The following CASZ1 variants were observed in gnomAD, a reference collection of about 807,000 sequenced individuals.
CASZ1 encodes the protein zinc finger protein castor homolog 1.
Under a neutral mutation model 135.2 loss-of-function variants are expected in CASZ1, and 28 were observed. The observed-to-expected ratio is 0.21, with a 90% confidence interval of 0.15 to 0.28. The LOEUF is 0.28. CASZ1 is among the 10% of genes least tolerant of loss of function. The pLI is 1.00. For synonymous variants in CASZ1, 1,068 were observed against 1,073.4 expected (o/e 0.99, Z 0.10); for missense variants, 2,161 against 2,453.3 (o/e 0.88, Z 2.52).
At chr1:10,675,677 T>C (rs60838458) in intron 4 of CASZ1, among the ~76,000 whole-genome samples, 15,586 of 152,072 alleles carry the variant, frequency 0.1, 911 homozygotes, top group East Asian at 0.2. Flanking sequence ...CCTCTCCCAG[T>C]TGGGCAGGTA....
intron 4 of CASZ1, among the ~76,000 whole-genome samples, chr1:10,669,393 G>A (rs1242224060): frequency 2.6e-5 from 4 of 152,232 alleles, no homozygotes; most frequent in Non-Finnish European, 5.9e-5. Flanking sequence ...TGTTAACTGC[G>A]ATGGGTAAAA....
chr1:10,781,894 A>G (rs751199642), intron 1 of CASZ1, among the ~76,000 whole-genome samples: 6 of 152,206 alleles, frequency 3.9e-5, no homozygotes, highest in African/African-American at 7.2e-5. Context: ...CAGAGTCCCA[A>G]TAAGGAGAGA....
At chr1:10,771,542 CTGTTGCTTAATTT>C (rs1434687859) in intron 1 of CASZ1, among the ~76,000 whole-genome samples, 1 of 151,954 alleles carries the variant, frequency 6.6e-6, no homozygotes, top group African/African-American at 2.4e-5. Flanking sequence ...AAAAACATAG[CTGTTGCTTAATTT>C]TGTATTTTAA....
At position 10,639,338 on chromosome 1, in the gene CASZ1, C is replaced by A; in HGVS notation, c.4884G>T (p.Ser1628=). 2.0e-6 allele frequency: 3 copies of A among 1,496,654 alleles called. No individual in the cohort carries two copies. The highest frequency in any genetic ancestry group is 2.7e-6 in the Non-Finnish European group (3 of 1,129,652). 92.7% of individuals were successfully genotyped at this position (1,496,654 alleles called of 1,614,324 possible). Reference sequence around the variant, plus strand: ...CGGCCGCCGACTGCAGGAAGAGCAGCGAGCCCGGCTCGGCGCCCAGCGACA... The same window carrying A: ...CGGCCGCCGACTGCAGGAAGAGCAGAGAGCCCGGCTCGGCGCCCAGCGACA... ...GSLSLGAEPG[S]LLFLQSAAAG... Residue 1628 remains serine, a synonymous_variant, in exon 21 of 21, where the codon TCG becomes TCT. Transcript: ENST00000377022. This position sits in a 1 kb window ranked among gnomAD's most constrained non-coding sequence, Gnocchi z 4.0.
intron 4 of CASZ1, among the ~76,000 whole-genome samples, chr1:10,669,392 C>T (rs967033404): frequency 1.3e-5 from 2 of 152,178 alleles, no homozygotes; most frequent in African/African-American, 2.4e-5. Flanking sequence ...GTGTTAACTG[C>T]GATGGGTAAA....
At chr1:10,705,936 C>T (rs1295192985) in intron 2 of CASZ1, among the ~76,000 whole-genome samples, 2 of 152,214 alleles carry the variant, frequency 1.3e-5, no homozygotes, top group Non-Finnish European at 2.9e-5. Flanking sequence ...AGCAGGGATG[C>T]CTGGGGACAA....
Position 10,720,723 on chromosome 1 carries a change from G to A in CASZ1, c.-76-15179C>T, listed in dbSNP as rs1334405820. On this transcript the variant is annotated intron_variant, in intron 2 of 20. Coordinates refer to ENST00000377022, the MANE Select transcript of CASZ1 (RefSeq NM_001079843.3). The surrounding 1 kb of genome is among the most constrained non-coding windows in gnomAD (Gnocchi z 5.7). ...CTTTCCATCTGGGGAGAGGGAGGACGGCTGGCAAAGAATGAGAAGGGCGTA... is the reference window on the plus strand; with the variant it reads ...CTTTCCATCTGGGGAGAGGGAGGACAGCTGGCAAAGAATGAGAAGGGCGTA... 6.6e-6 allele frequency among the ~76,000 whole-genome samples: 1 copy of A among 152,184 alleles called. No homozygotes were observed. Among genetic ancestry groups the A allele is most frequent in the Non-Finnish European group, 1.5e-5 (1 of 68,020 alleles).
At chr1:10,761,970 G>T (rs372977673) in intron 1 of CASZ1, among the ~76,000 whole-genome samples, 2 of 152,120 alleles carry the variant, frequency 1.3e-5, no homozygotes, top group African/African-American at 2.4e-5. Context: ...GCAGCTCTGC[G>T]TTCCTGAAGC....
At chr1:10,672,507 C>T (rs1323777291) in intron 4 of CASZ1, among the ~76,000 whole-genome samples, 1 of 149,272 alleles carries the variant, frequency 6.7e-6, no homozygotes, top group East Asian at 2.0e-4. Flanking sequence ...TCCCCGGGCC[C>T]AATCTGTTTT....
At chr1:10,786,713 C>T (rs950231827) in intron 1 of CASZ1, among the ~76,000 whole-genome samples, 11 of 151,572 alleles carry the variant, frequency 7.3e-5, no homozygotes, top group South Asian at 2.1e-4. Context: ...CCAGCTAACT[C>T]GCTCCAGAAT....
intron 17 of CASZ1, among the ~76,000 whole-genome samples, chr1:10,645,752 A>C (rs1184512871): frequency 6.6e-6 from 1 of 152,184 alleles, no homozygotes; most frequent in Non-Finnish European, 1.5e-5. Flanking sequence ...CAGGCCTTTA[A>C]GGTGAATCTG....
chr1:10,778,412 A>T (rs1034710069), intron 1 of CASZ1, among the ~76,000 whole-genome samples: 21 of 152,274 alleles, frequency 1.4e-4, no homozygotes, highest in South Asian at 6.2e-4. Context: ...ACACAATCTT[A>T]CAATCACACA....
chr1:10,642,732 T>C, intron 20 of CASZ1, 127 bp downstream of exon 20: 1 of 1,044,552 alleles, frequency 9.6e-7, no homozygotes, highest in East Asian at 2.6e-5. Context: ...CAGCTGGCTC[T>C]GCTGCACGCC....
intron 2 of CASZ1, among the ~76,000 whole-genome samples, chr1:10,737,707 G>A (rs114675245): frequency 0.019 from 2,961 of 152,314 alleles, 86 homozygotes; most frequent in African/African-American, 0.063. Flanking sequence ...TACAAGATCA[G>A]CACAGGCCAC....
At chr1:10,659,665 C>T (rs1446311518) in intron 6 of CASZ1, 37 bp downstream of exon 6, 2 of 1,555,702 alleles carry the variant, frequency 1.3e-6, no homozygotes, top group East Asian at 2.2e-5. Context: ...TAGTCTGGCT[C>T]CTGGCTCTGG....
In CASZ1 at chr1:10,721,013, A is replaced by T. The variant is rs1486324272; in HGVS notation, c.-76-15469T>A. Reference sequence around the variant, plus strand: ...GGGAGGGATTTAAGAGCAAAGCCACAGAGGGCCCTCATCCTGCCTCCTCGC... The same window carrying T: ...GGGAGGGATTTAAGAGCAAAGCCACTGAGGGCCCTCATCCTGCCTCCTCGC... On this transcript the variant is annotated intron_variant, in intron 2 of 20. Transcript: ENST00000377022. The surrounding 1 kb of genome is among the most constrained non-coding windows in gnomAD (Gnocchi z 5.4). Among the ~76,000 whole-genome samples the T allele has an allele frequency of 6.6e-6, 1 of 152,212 alleles. No individual in the cohort carries two copies. The highest frequency in any genetic ancestry group is 1.5e-5 in the Non-Finnish European group (1 of 68,034).
intron 4 of CASZ1, among the ~76,000 whole-genome samples, chr1:10,667,911 C>G (rs1318940604): frequency 1.3e-5 from 2 of 151,682 alleles, no homozygotes; most frequent in African/African-American, 4.8e-5. Context: ...CGGGCCCCCA[C>G]CAGCTGCGGT....
intron 1 of CASZ1, among the ~76,000 whole-genome samples, chr1:10,782,591 CG>C (rs1463931830): frequency 6.6e-6 from 1 of 151,494 alleles, no homozygotes; most frequent in Admixed American, 6.6e-5. Flanking sequence ...GGGTGGGGGC[CG>C]GGTGGGTCAC....
Position 10,637,638 on chromosome 1 carries a change from A to T in CASZ1, c.*1304T>A, listed in dbSNP as rs1278970923. On this transcript the variant is annotated 3_prime_UTR_variant, in exon 21 of 21. Transcript: ENST00000377022. ...GTGGCCTCGGGCAGCCTGCCCTCGCAGGGGACTCGGTCCCCGGGGACCTCA... is the reference window on the plus strand; with the variant it reads ...GTGGCCTCGGGCAGCCTGCCCTCGCTGGGGACTCGGTCCCCGGGGACCTCA... 2 of 152,158 alleles carry T rather than the reference A, an allele frequency of 1.3e-5. No individual in the cohort carries two copies. The highest frequency in any genetic ancestry group is 4.8e-5 in the African/African-American group (2 of 41,362). The allele number at this position is 152,158 out of a possible 1,614,324, so 9.4% of individuals were successfully genotyped here. A position where few individuals can be genotyped will look rare whatever the true frequency, so the allele number is the denominator to read the frequency against.
Sources: allele counts gnomAD v4.1 joint callset (sites outside exome capture counted in the v4.1 genomes callset), GRCh38; gene constraint gnomAD v4.1.1; non-coding constraint Gnocchi (gnomAD v3.1); transcripts MANE v1.5; gene names NCBI Gene and HGNC (gene_info 2026-07-23, HGNC 2026-07-21).